WDR20: variants seen among roughly 807,000 people sequenced by gnomAD.
WDR20 encodes WD repeat domain 20, also known as WD repeat-containing protein 20.
Under a neutral mutation model 38.7 loss-of-function variants are expected in WDR20, and 3 were observed. The observed-to-expected ratio is 0.08, with a 90% confidence interval of 0.04 to 0.20. WDR20 has a LOEUF of 0.20. Among genes scored for constraint, WDR20 ranks in the 10% least tolerant of loss-of-function variants. The pLI, the probability that WDR20 is intolerant of heterozygous loss-of-function variation, is 1.00. For missense variants in WDR20, 559 were observed against 727.7 expected (o/e 0.77, Z 2.67); for synonymous variants, 298 against 285.6 (o/e 1.04, Z -0.44).
At chr14:102,158,100 C>T (rs2057846443) in intron 1 of WDR20, among the ~76,000 whole-genome samples, 2 of 152,036 alleles carry the variant, frequency 1.3e-5, no homozygotes. Flanking sequence ...CATTATAACG[C>T]CCCTCGTATA....
At chr14:102,193,421 C>A in intron 1 of WDR20, 1 of 1,592,944 alleles carries the variant, frequency 6.3e-7, no homozygotes, top group Non-Finnish European at 8.6e-7. Flanking sequence ...TTACACTTTT[C>A]AAGGCTCTTT....
chr14:102,216,826 A>G (rs2063275124), downstream of WDR20, among the ~76,000 whole-genome samples: 1 of 152,194 alleles, frequency 6.6e-6, no homozygotes, highest in South Asian at 2.1e-4. Flanking sequence ...GCTACTCGGA[A>G]GGCTGAGGCA....
At position 102,209,602 on chromosome 14, in the gene WDR20, C is replaced by G. The variant is rs1301797550; in HGVS notation, c.1432C>G (p.His478Asp). The G allele has an allele frequency of 1.2e-6, 2 of 1,614,188 alleles. No individual in the cohort carries two copies. Among genetic ancestry groups the G allele is most frequent in the Non-Finnish European group, 1.7e-6 (2 of 1,180,036 alleles). The change falls in exon 3 of 3, where the codon CAC (histidine) becomes GAC (aspartate). Residue 478 changes from histidine (H) to aspartate (D), a missense_variant. Coordinates refer to ENST00000342702, the MANE Select transcript of WDR20 (RefSeq NM_144574.4). This position sits in a 1 kb window ranked among gnomAD's most constrained non-coding sequence, Gnocchi z 6.0. ...GAAGGAGAGGCACCACGAGAAAGAT[C>G]ACAAGCGAAATCATAGCATGGGACA... ...DRKERHHEKD[H>D]KRNHSMGHIS...
chr14:102,175,534 G>C (rs2061876344), intron 1 of WDR20, among the ~76,000 whole-genome samples: 1 of 151,940 alleles, frequency 6.6e-6, no homozygotes, highest in Admixed American at 6.6e-5. Context: ...TGGCTATGTG[G>C]GCTCTTTTTT....
intron 1 of WDR20, among the ~76,000 whole-genome samples, chr14:102,182,686 A>AT (rs900305988): frequency 6.6e-6 from 1 of 151,568 alleles, no homozygotes; most frequent in Non-Finnish European, 1.5e-5. Context: ...TTTTTTGGTT[A>AT]TTTTTTTCTA....
At chr14:102,188,903 G>A (rs1163526751) in intron 1 of WDR20, among the ~76,000 whole-genome samples, 1 of 139,330 alleles carries the variant, frequency 7.2e-6, no homozygotes, top group Non-Finnish European at 1.6e-5. Flanking sequence ...AAATTCCAGA[G>A]ATCTTAAGGA....
intron 1 of WDR20, chr14:102,193,617 A>G: frequency 8.9e-7 from 1 of 1,126,538 alleles, no homozygotes; most frequent in Non-Finnish European, 1.2e-6. Flanking sequence ...TACATGTGCA[A>G]GGTTTTGAGT....
intron 1 of WDR20, among the ~76,000 whole-genome samples, chr14:102,169,588 A>G (rs8006931): frequency 0.078 from 11,888 of 152,090 alleles, 626 homozygotes; most frequent in Non-Finnish European, 0.12. Flanking sequence ...CTGGAGTGCA[A>G]TGGCGTAATG....
rs143881611 is a variant in WDR20, at chr14:102,164,569, T to A, written c.249+24397T>A. On this transcript the variant is annotated intron_variant, in intron 1 of 2. Transcript: ENST00000342702. The stretch of plus-strand genomic sequence containing the variant: ...CTAATTTCTCCAGGATACTGATGAC[T>A]CAACTTCATGTTGCCAGATCCATTG... 9.9e-3 allele frequency among the ~76,000 whole-genome samples: 1,502 copies of A among 152,292 alleles called. 88 individuals carry two copies. Among genetic ancestry groups the A allele is most frequent in the Admixed American group, 0.094 (1,436 of 15,290 alleles).
At chr14:102,213,587 G>A (rs751830538), downstream of WDR20, 69 of 985,448 alleles carry the variant, frequency 7.0e-5, no homozygotes, top group Non-Finnish European at 7.8e-5. Context: ...TTAGGGGCAA[G>A]GACACCGTCC....
chr14:102,191,717 G>A (rs1224121711), intron 1 of WDR20, among the ~76,000 whole-genome samples: 1 of 152,166 alleles, frequency 6.6e-6, no homozygotes, highest in Non-Finnish European at 1.5e-5. Context: ...CTGGACTTCT[G>A]CTGTTCCCGT....
downstream of WDR20, chr14:102,224,551 C>G (rs766815365): frequency 2.2e-6 from 1 of 455,966 alleles, no homozygotes; most frequent in Non-Finnish European, 4.4e-6. Context: ...TGTCTGAAAC[C>G]TATTTCTCTA....
chr14:102,205,663 C>T (rs1253866866), intron 2 of WDR20, among the ~76,000 whole-genome samples: 2 of 152,150 alleles, frequency 1.3e-5, no homozygotes, highest in Non-Finnish European at 2.9e-5. Context: ...CTGCCTGCCA[C>T]TCACCCTGAT....
At chr14:102,186,223 G>A (rs1167665466) in intron 1 of WDR20, among the ~76,000 whole-genome samples, 2 of 152,208 alleles carry the variant, frequency 1.3e-5, no homozygotes, top group African/African-American at 4.8e-5. Context: ...TGAGAAACAT[G>A]GATTGTGTGG....
chr14:102,222,830 G>A lies in WDR20; in HGVS notation c.1693G>A (p.Gly565Ser). The A allele has an allele frequency of 6.2e-7, 1 of 1,614,148 alleles. No homozygotes were observed. Among genetic ancestry groups the A allele is most frequent in the Non-Finnish European group, 8.5e-7 (1 of 1,180,010 alleles). ...TTAATGTAGACTGCTTTGTTTGCAG[G>A]GCTCATTGTCATCCCCAAGCCAGGC... Residue 565 changes from glycine (G) to serine (S), a missense_variant and splice_region_variant, in exon 4 of 4, where the codon GGC (glycine) becomes AGC (serine). Gly to Ser is a moderately conservative substitution (Grantham distance 56). Transcript: ENST00000335263. This position sits in a 1 kb window ranked among gnomAD's most constrained non-coding sequence, Gnocchi z 4.4.
chr14:102,194,572 C>T (rs754284331), intron 1 of WDR20, among the ~76,000 whole-genome samples: 5 of 152,182 alleles, frequency 3.3e-5, no homozygotes, highest in Non-Finnish European at 5.9e-5. Context: ...CATTTGAAAG[C>T]CGAGCTTTTT....
In WDR20 at chr14:102,222,094, GC is replaced by G. The variant is rs1328165285; in HGVS notation, c.1693-731del. On this transcript the variant is annotated intron_variant, in intron 3 of 3. Transcript: ENST00000335263. This position sits in a 1 kb window ranked among gnomAD's most constrained non-coding sequence, Gnocchi z 4.4. ...AATCTGGGTGAGATTCCCCGCCCCC[GC>G]CCCCGACAGTGAGCCTCTCAGCAGG... Among the ~76,000 whole-genome samples the G allele has an allele frequency of 9.4e-6, 1 of 106,230 alleles. No homozygotes were observed. Among genetic ancestry groups the G allele is most frequent in the Admixed American group, 1.0e-4 (1 of 9,838 alleles). 69.7% of individuals were successfully genotyped at this position (106,230 alleles called of 152,430 possible).
chr14:102,217,580 G>A (rs1333255903), downstream of WDR20, among the ~76,000 whole-genome samples: 1 of 151,974 alleles, frequency 6.6e-6, no homozygotes, highest in African/African-American at 2.4e-5. Flanking sequence ...GCAAGTCTGG[G>A]GCAGAGATGG....
intron 1 of WDR20, among the ~76,000 whole-genome samples, chr14:102,180,309 T>C (rs2063121831): frequency 6.6e-6 from 1 of 152,098 alleles, no homozygotes; most frequent in African/African-American, 2.4e-5. Context: ...GTGGAAGTGG[T>C]GGTATATAAA....
Sources: allele counts gnomAD v4.1 joint callset (sites outside exome capture counted in the v4.1 genomes callset), GRCh38; gene constraint gnomAD v4.1.1; non-coding constraint Gnocchi (gnomAD v3.1); transcripts MANE v1.5; gene names NCBI Gene and HGNC (gene_info 2026-07-23, HGNC 2026-07-21).